RGS7: variants seen among roughly 807,000 people sequenced by gnomAD.
The protein encoded by RGS7 is regulator of G-protein signaling 7.
RGS7 carries 27 observed loss-of-function variants against 81.1 expected under a neutral mutation model. The ratio of observed to expected loss-of-function variants is 0.33; its 90% confidence interval spans 0.25 to 0.46. RGS7 has a LOEUF of 0.46. RGS7 is among the 20% of genes least tolerant of loss of function. The probability of loss-of-function intolerance (pLI) is 1.00; values close to 1 mark genes in which losing one functional copy is unlikely to be tolerated. For synonymous variants in RGS7, 208 were observed against 207.7 expected (o/e 1.00, Z -0.01); for missense variants, 396 against 607.4 (o/e 0.65, Z 3.66).
chr1:240,958,669 C>G (rs1485217319), intron 4 of RGS7, among the ~76,000 whole-genome samples: 1 of 152,180 alleles, frequency 6.6e-6, no homozygotes, highest in Non-Finnish European at 1.5e-5. Flanking sequence ...TCCAGTCAAA[C>G]TGGATCACTT....
At chr1:240,839,873 C>G (rs1003461422) in intron 9 of RGS7, among the ~76,000 whole-genome samples, 1 of 152,142 alleles carries the variant, frequency 6.6e-6, no homozygotes, top group African/African-American at 2.4e-5. Context: ...CAGTGAGTGC[C>G]TCCAACCATC....
chr1:240,839,424 A>G lies in RGS7; in HGVS notation c.610-12252T>C, dbSNP rs146918678. ...TGAGTTTTGGATAGAATTAGACTTG[A>G]AGATATGAGAGGTAAGAAAAAGTCT... On this transcript the variant is annotated intron_variant, in intron 9 of 18. Transcript: ENST00000440928. 2.6e-3 allele frequency among the ~76,000 whole-genome samples: 392 copies of G among 152,350 alleles called. 2 individuals are homozygous for G. The highest frequency in any genetic ancestry group is 8.8e-3 in the African/African-American group (364 of 41,582).
chr1:240,837,854 TCA>T (rs779679348), intron 9 of RGS7, among the ~76,000 whole-genome samples: 59 of 152,290 alleles, frequency 3.9e-4, no homozygotes, highest in Admixed American at 9.2e-4. Context: ...CATCAATAAC[TCA>T]CAGTAAATTC....
At chr1:240,866,250 G>A (rs1426297298) in intron 9 of RGS7, among the ~76,000 whole-genome samples, 2 of 152,168 alleles carry the variant, frequency 1.3e-5, no homozygotes, top group Admixed American at 6.5e-5. Context: ...GGTTGCTCAC[G>A]CCTGTAATCC....
At chr1:241,254,706 A>G (rs2076983791) in intron 2 of RGS7, among the ~76,000 whole-genome samples, 1 of 152,240 alleles carries the variant, frequency 6.6e-6, no homozygotes, top group Non-Finnish European at 1.5e-5. Context: ...TATAATTCTT[A>G]TGAATAAGTT....
intron 3 of RGS7, among the ~76,000 whole-genome samples, chr1:241,000,353 T>C (rs991461344): frequency 6.6e-6 from 1 of 152,180 alleles, no homozygotes; most frequent in East Asian, 1.9e-4. Flanking sequence ...ACTATTTTGA[T>C]TATGGCTGTG....
intron 3 of RGS7, among the ~76,000 whole-genome samples, chr1:241,014,475 G>T (rs980916703): frequency 1.8e-4 from 27 of 152,278 alleles, no homozygotes; most frequent in African/African-American, 6.5e-4. Flanking sequence ...TAAATCCACT[G>T]GACTGAGGCA....
intron 2 of RGS7, among the ~76,000 whole-genome samples, chr1:241,323,898 T>C (rs2148618881): frequency 6.6e-6 from 1 of 152,290 alleles, no homozygotes; most frequent in South Asian, 2.1e-4. Context: ...CCTAGGCAAA[T>C]GGTAATTTTT....
chr1:241,009,077 A>C (rs2058828748), intron 3 of RGS7, among the ~76,000 whole-genome samples: 1 of 152,174 alleles, frequency 6.6e-6, no homozygotes, highest in African/African-American at 2.4e-5. Context: ...AGGGCACCAG[A>C]GAAGACCCCT....
intron 2 of RGS7, among the ~76,000 whole-genome samples, chr1:241,207,348 C>T (rs1052380583): frequency 6.3e-5 from 9 of 143,670 alleles, no homozygotes; most frequent in Admixed American, 4.3e-4. Context: ...CTTTAAAATG[C>T]ATATATATAT....
intron 4 of RGS7, among the ~76,000 whole-genome samples, chr1:240,967,568 TGGGGG>T (rs543910244): frequency 1.7e-4 from 9 of 54,036 alleles, no homozygotes; most frequent in Admixed American, 1.2e-3. Context: ...TGCCAAGAAG[TGGGGG>T]GGGGGGGGAA....
At chr1:241,310,657 C>G (rs2148554409) in intron 2 of RGS7, among the ~76,000 whole-genome samples, 1 of 151,740 alleles carries the variant, frequency 6.6e-6, no homozygotes, top group Admixed American at 6.6e-5. Flanking sequence ...GAGTCAATGA[C>G]TGCCCATGTA....
chr1:241,332,833 A>G (rs1434998799), intron 2 of RGS7, among the ~76,000 whole-genome samples: 3 of 152,216 alleles, frequency 2.0e-5, no homozygotes, highest in African/African-American at 7.2e-5. Context: ...AAGGAAGAAA[A>G]AAAATTAGAA....
intron 3 of RGS7, among the ~76,000 whole-genome samples, chr1:241,071,453 T>C (rs771276026): frequency 1.3e-5 from 2 of 151,082 alleles, no homozygotes; most frequent in African/African-American, 2.4e-5. Context: ...TGAGTTCAAA[T>C]ATAATTACAA....
At chr1:240,823,648 G>A (rs1692236653) in intron 10 of RGS7, among the ~76,000 whole-genome samples, 1 of 152,126 alleles carries the variant, frequency 6.6e-6, no homozygotes, top group Non-Finnish European at 1.5e-5. Flanking sequence ...AAAGCTTCCC[G>A]GCGACTCAAG....
At chr1:241,031,411 T>C (rs1572362517) in intron 3 of RGS7, among the ~76,000 whole-genome samples, 2 of 152,254 alleles carry the variant, frequency 1.3e-5, no homozygotes, top group African/African-American at 4.8e-5. Flanking sequence ...ATATCTTTGC[T>C]GTTGTGAATT....
rs191828940 is a variant in RGS7, at chr1:241,138,928, C to A, written c.79-40166G>T. ...AGGCTTTTTTCTGTAATACATGATA[C>A]AAAACAATCAGTAACACTCAATTCC... is the stretch of plus-strand genomic sequence containing the variant. On this transcript the variant is annotated intron_variant, in intron 2 of 18. Coordinates refer to ENST00000440928, the MANE Select transcript of RGS7 (RefSeq NM_001364886.1). Among the ~76,000 whole-genome samples, 19 of 152,012 alleles carry A rather than the reference C, an allele frequency of 1.2e-4. No individual in the cohort carries two copies. In the East Asian group the frequency reaches 3.3e-3, roughly 26 times the overall value.
At chr1:241,342,902 T>C (rs1052442524) in intron 2 of RGS7, among the ~76,000 whole-genome samples, 1 of 152,054 alleles carries the variant, frequency 6.6e-6, no homozygotes, top group Non-Finnish European at 1.5e-5. Flanking sequence ...GGAACCTCTG[T>C]GTCCTGCTGG....
chr1:241,189,844 G>A (rs533308959), intron 2 of RGS7, among the ~76,000 whole-genome samples: 10 of 152,204 alleles, frequency 6.6e-5, no homozygotes, highest in South Asian at 4.1e-4. Flanking sequence ...GGCTGGGCGC[G>A]GTGGCTCACG....
Sources: allele counts gnomAD v4.1 joint callset (sites outside exome capture counted in the v4.1 genomes callset), GRCh38; gene constraint gnomAD v4.1.1; transcripts MANE v1.5; gene names NCBI Gene and HGNC (gene_info 2026-07-23, HGNC 2026-07-21).